NRXN1: variants seen among roughly 807,000 people sequenced by gnomAD.
The protein encoded by NRXN1 is neurexin-1.
A neutral mutation model predicts 150.9 loss-of-function variants in NRXN1; 39 were observed. The observed-to-expected ratio is 0.26, with a 90% CI of 0.20 to 0.34. NRXN1 has a LOEUF of 0.34. NRXN1 is among the 10% of genes least tolerant of loss of function. The pLI is 1.00. For synonymous variants in NRXN1, 924 were observed against 757.0 expected (o/e 1.22, Z -3.62); for missense variants, 1,815 against 1,949.9 (o/e 0.93, Z 1.30).
chr2:50,318,969 G>T (rs2075819213), intron 17 of NRXN1, among the ~76,000 whole-genome samples: 1 of 151,918 alleles, frequency 6.6e-6, no homozygotes, highest in Non-Finnish European at 1.5e-5. Flanking sequence ...TCACAATAAA[G>T]AAATATTTAA....
At chr2:50,954,766 T>G (rs921544516) in intron 2 of NRXN1, among the ~76,000 whole-genome samples, 2 of 152,308 alleles carry the variant, frequency 1.3e-5, no homozygotes, top group Middle Eastern at 3.4e-3. Flanking sequence ...TTTCTATGAA[T>G]TAGGTACTCA....
chr2:49,960,939 A>T lies in NRXN1; in HGVS notation c.4129-17148T>A, dbSNP rs544942634. ...AATTGGGTAAGTTTTAAAGCTATCT[A>T]TTGGGTACGGGAAATAATTATTAAC... On this transcript the variant is annotated intron_variant, in intron 21 of 22. Transcript: ENST00000401669. 2.0e-5 allele frequency among the ~76,000 whole-genome samples: 3 copies of T among 152,320 alleles called. No individual in the cohort carries two copies. In the South Asian group the frequency reaches 6.2e-4, roughly 32 times the overall value.
intron 2 of NRXN1, among the ~76,000 whole-genome samples, chr2:50,939,025 C>G (rs1193922346): frequency 6.6e-6 from 1 of 151,886 alleles, no homozygotes; most frequent in Non-Finnish European, 1.5e-5. Context: ...TCCTGGTTAA[C>G]ATGGTGAAAC....
intron 17 of NRXN1, among the ~76,000 whole-genome samples, chr2:50,386,535 A>G (rs2081340022): frequency 2.0e-5 from 3 of 152,132 alleles, no homozygotes; most frequent in Admixed American, 2.0e-4. Context: ...TTATAGACTA[A>G]TAAGATGAAT....
chr2:50,357,997 G>A (rs986851726), intron 17 of NRXN1, among the ~76,000 whole-genome samples: 2 of 152,120 alleles, frequency 1.3e-5, no homozygotes, highest in African/African-American at 4.8e-5. Flanking sequence ...CCCTCTCCTA[G>A]CCAAGGGAAG....
At chr2:50,755,763 AATC>A (rs1426034380) in intron 5 of NRXN1, among the ~76,000 whole-genome samples, 5 of 151,884 alleles carry the variant, frequency 3.3e-5, no homozygotes, top group African/African-American at 1.2e-4. Context: ...TAGAAATAAC[AATC>A]ATCACTAATC....
chr2:50,614,832 CTT>C (rs1284661233), intron 8 of NRXN1, among the ~76,000 whole-genome samples: 3 of 147,552 alleles, frequency 2.0e-5, no homozygotes, highest in African/African-American at 5.0e-5. Flanking sequence ...CTTTCTAAAA[CTT>C]TCTCTGTTGT....
intron 17 of NRXN1, among the ~76,000 whole-genome samples, chr2:50,417,832 C>T (rs547440533): frequency 4.0e-5 from 6 of 151,640 alleles, no homozygotes; most frequent in South Asian, 2.1e-4. Flanking sequence ...TCCAAGAAAC[C>T]GAAAAGTGCA....
chr2:50,401,258 G>T (rs1431282182), intron 17 of NRXN1, among the ~76,000 whole-genome samples: 4 of 152,078 alleles, frequency 2.6e-5, no homozygotes, highest in South Asian at 2.1e-4. Context: ...TATACCTTAA[G>T]ATGGGAAGGC....
At chr2:50,667,424 A>C (rs1186229286) in intron 5 of NRXN1, among the ~76,000 whole-genome samples, 1 of 152,010 alleles carries the variant, frequency 6.6e-6, no homozygotes, top group Non-Finnish European at 1.5e-5. Flanking sequence ...AGAATAAGAA[A>C]GATATTTTTA....
At chr2:50,163,865 G>A (rs1427431833) in intron 18 of NRXN1, among the ~76,000 whole-genome samples, 6 of 152,144 alleles carry the variant, frequency 3.9e-5, no homozygotes, top group Non-Finnish European at 7.4e-5. Context: ...AAGCAAGATG[G>A]CAATGAGGAG....
chr2:50,711,493 A>C (rs563642926), intron 5 of NRXN1, among the ~76,000 whole-genome samples: 1 of 151,796 alleles, frequency 6.6e-6, no homozygotes, highest in Admixed American at 6.6e-5. Flanking sequence ...ATGTTACCAC[A>C]CCTGACTAAT....
chr2:50,476,240 A>G (rs1352919630), intron 15 of NRXN1, among the ~76,000 whole-genome samples: 2 of 152,076 alleles, frequency 1.3e-5, no homozygotes, highest in African/African-American at 2.4e-5. Flanking sequence ...CACAGCCACT[A>G]TGTTCCTCTC....
At chr2:50,649,543 A>C (rs1232072681) in intron 5 of NRXN1, among the ~76,000 whole-genome samples, 1 of 151,844 alleles carries the variant, frequency 6.6e-6, no homozygotes, top group Non-Finnish European at 1.5e-5. Flanking sequence ...TAGCTTAGTG[A>C]GATTGGTTGG....
At chr2:50,313,937 C>T (rs2075380907) in intron 17 of NRXN1, among the ~76,000 whole-genome samples, 1 of 151,962 alleles carries the variant, frequency 6.6e-6, no homozygotes, top group African/African-American at 2.4e-5. Context: ...AGCATATAAG[C>T]ACAGTATACA....
chr2:50,174,114 T>C (rs2060201909), intron 18 of NRXN1, among the ~76,000 whole-genome samples: 1 of 152,196 alleles, frequency 6.6e-6, no homozygotes, highest in Non-Finnish European at 1.5e-5. Flanking sequence ...CTGATTAGAA[T>C]ACTACTTCAT....
At chr2:50,160,614 A>G (rs923413773) in intron 18 of NRXN1, among the ~76,000 whole-genome samples, 4 of 152,134 alleles carry the variant, frequency 2.6e-5, no homozygotes, top group Non-Finnish European at 5.9e-5. Context: ...TATAATAAGA[A>G]AATGTGAGTA....
At position 50,384,463 on chromosome 2, in the gene NRXN1, G is replaced by A. The variant is rs772188982; in HGVS notation, c.3364+80979C>T. On this transcript the variant is annotated intron_variant, in intron 17 of 22. Coordinates refer to ENST00000401669, the MANE Select transcript of NRXN1 (RefSeq NM_001330078.2). ...GGAGGTTGCAGTGAGCCAGGATCATGCCACTGCACTTCAGCCTGAATGACA... is the reference window on the plus strand; with the variant it reads ...GGAGGTTGCAGTGAGCCAGGATCATACCACTGCACTTCAGCCTGAATGACA... Among the ~76,000 whole-genome samples the A allele has an allele frequency of 2.3e-4, 31 of 132,492 alleles. 1 individual carries two copies. The highest frequency in any genetic ancestry group is 3.7e-4 in the Non-Finnish European group (24 of 65,222). 86.9% of individuals were successfully genotyped at this position (132,492 alleles called of 152,430 possible).
intron 18 of NRXN1, among the ~76,000 whole-genome samples, chr2:50,156,212 T>C (rs982041889): frequency 4.6e-5 from 7 of 151,794 alleles, no homozygotes; most frequent in East Asian, 1.9e-4. Flanking sequence ...TAATGTAAAA[T>C]GAATGTGAAG....
Sources: gnomAD v4.1 joint callset for allele counts (sites outside exome capture counted in the v4.1 genomes callset) on GRCh38, gnomAD v4.1.1 for gene constraint, MANE v1.5 for transcripts, NCBI Gene and HGNC (gene_info 2026-07-23, HGNC 2026-07-21) for gene names.